ASPG: variants seen among roughly 807,000 people sequenced by gnomAD.
The protein encoded by ASPG is asparaginase.
A neutral mutation model predicts 63.2 loss-of-function variants in ASPG; 53 were observed. The observed-to-expected ratio is 0.84, with a 90% CI of 0.67 to 1.05. ASPG has a LOEUF of 1.05. ASPG is among the 50% of genes least tolerant of loss of function. ASPG has a pLI of 0.00. For synonymous variants in ASPG, 370 were observed against 355.0 expected, an observed-to-expected ratio of 1.04 and a Z score of -0.48; for missense variants, 741 against 794.4, an observed-to-expected ratio of 0.93 and a Z score of 0.81.
chr14:104,096,317 T>G (rs1596076191), intron 4 of ASPG, among the ~76,000 whole-genome samples: 1 of 151,984 alleles, frequency 6.6e-6, no homozygotes, highest in African/African-American at 2.4e-5. Context: ...GAGGCTAAGG[T>G]CTTGTATGGG....
At position 104,106,904 on chromosome 14, in the gene ASPG, C is replaced by A. The variant is rs1330670303; in HGVS notation, c.1269+10C>A. 2 of 1,563,808 alleles carry A rather than the reference C, an allele frequency of 1.3e-6. No individual in the cohort carries two copies. Among genetic ancestry groups the A allele is most frequent in the Non-Finnish European group, 1.7e-6 (2 of 1,158,298 alleles). On this transcript the variant is annotated intron_variant, in intron 11 of 15. Transcript: ENST00000551177. ...GGCGCTTGTGGAGCTGGTGAGCCTC[C>A]CCCACCCTGGGGGCCCAGCCCCAGC...
Position 104,093,543 on chromosome 14 carries a change from C to G in ASPG, c.244C>G (p.Leu82Val), listed in dbSNP as rs776839328. The G allele has an allele frequency of 6.2e-7, 1 of 1,612,632 alleles. No individual in the cohort carries two copies. The highest frequency in any genetic ancestry group is 1.3e-5 in the African/African-American group (1 of 74,880). ...ILYTVLECQP[L>V]FDSSDMTIAE... Reference sequence around the variant, plus strand: ...CTACACCGTGCTGGAGTGCCAGCCCCTCTTCGACTCCAGTGACATGACCAT... The same window carrying G: ...CTACACCGTGCTGGAGTGCCAGCCCGTCTTCGACTCCAGTGACATGACCAT... Residue 82 changes from leucine (L) to valine (V), a missense_variant, in exon 3 of 16, where the codon CTC becomes GTC. Transcript: ENST00000551177.
intron 12 of ASPG, chr14:104,108,941 G>A: frequency 1.0e-6 from 1 of 985,352 alleles, no homozygotes; most frequent in Non-Finnish European, 1.2e-6. Flanking sequence ...GCCCTCCCCT[G>A]GGTGCTGGGT....
chr14:104,107,358 G>A lies in ASPG; in HGVS notation c.1433+13G>A, dbSNP rs2037181833. The A allele has an allele frequency of 3.3e-6, 5 of 1,521,546 alleles. No individual in the cohort carries two copies. The highest frequency in any genetic ancestry group is 4.7e-5 in the East Asian group (2 of 42,616). The allele number at this position is 1,521,546 out of a possible 1,614,324, so 94.3% of individuals were successfully genotyped here. A position where few individuals can be genotyped will look rare whatever the true frequency, so the allele number is the denominator to read the frequency against. On this transcript the variant is annotated intron_variant, in intron 12 of 15. Coordinates refer to ENST00000551177, the MANE Select transcript of ASPG (RefSeq NM_001080464.3). ...CCGTGCGGGGCAGGTAATGGAGCTA[G>A]GGCTGCACAGAGCTGCCTTGGACAG...
intron 9 of ASPG, chr14:104,104,954 T>C: frequency 3.4e-6 from 2 of 584,206 alleles, no homozygotes; most frequent in Non-Finnish European, 6.0e-6. Context: ...AGGCTCCGCC[T>C]GTCCTTGTGC....
rs2037446839 is a variant in ASPG, at chr14:104,115,442, T to C, written c.*2898T>C. 1 of 152,204 alleles carries C rather than the reference T, an allele frequency of 6.6e-6. No homozygotes were observed. The highest frequency in any genetic ancestry group is 1.5e-5 in the Non-Finnish European group (1 of 68,064). 9.4% of individuals were successfully genotyped at this position (152,204 alleles called of 1,614,324 possible). A position where few individuals can be genotyped will look rare whatever the true frequency, so the allele number is the denominator to read the frequency against. The stretch of plus-strand genomic sequence containing the variant: ...ACCAGAACTTAGAATTAAGGAGTGG[T>C]GGCCAGGCTTGGTGGCTCACACCTG... On this transcript the variant is annotated 3_prime_UTR_variant, in exon 16 of 16. Transcript: ENST00000551177.
intron 5 of ASPG, among the ~76,000 whole-genome samples, chr14:104,098,607 C>T (rs1034772441): frequency 2.0e-5 from 3 of 152,132 alleles, no homozygotes; most frequent in African/African-American, 7.2e-5. Context: ...ACTTGCACGC[C>T]CCAGGCCCTG....
Position 104,113,971 on chromosome 14 carries a change from A to G in ASPG, c.*1427A>G, listed in dbSNP as rs2037433431. ...GGAGAGGCGGTGGGGCATCTGGACA[A>G]ATGCCTGGTGCAGGTGAGAAGGGGT... On this transcript the variant is annotated 3_prime_UTR_variant, in exon 16 of 16. Transcript: ENST00000551177. 1 of 152,292 alleles carries G rather than the reference A, an allele frequency of 6.6e-6. No homozygotes were observed. Among genetic ancestry groups the G allele is most frequent in the Admixed American group, 6.5e-5 (1 of 15,290 alleles). The allele number at this position is 152,292 out of a possible 1,614,324, so 9.4% of individuals were successfully genotyped here.
At position 104,093,501 on chromosome 14, in the gene ASPG, C is replaced by A; in HGVS notation, c.202C>A (p.Arg68Ser). 6.2e-7 allele frequency: 1 copy of A among 1,612,620 alleles called. No homozygotes were observed. The highest frequency in any genetic ancestry group is 1.1e-5 in the South Asian group (1 of 91,070). The change falls in exon 3 of 16, where the codon CGC (arginine) becomes AGC (serine). Residue 68 changes from arginine (R) to serine (S), a missense_variant. By Grantham distance (110) the Arg-to-Ser change is moderately radical. Coordinates refer to ENST00000551177, the MANE Select transcript of ASPG (RefSeq NM_001080464.3). Reference protein sequence around the residue: ...EDTLVLPPASRNQRILYTVLE... With the variant: ...EDTLVLPPASSNQRILYTVLE... ...GTTTCTGTCCCGCAGCCCGGCCAGC[C>A]GCAACCAGAGGATTCTCTACACCGT...
chr14:104,103,473 A>C, intron 6 of ASPG, 90 bp from the exon 7 acceptor site: 1 of 1,107,000 alleles, frequency 9.0e-7, no homozygotes, highest in Non-Finnish European at 1.3e-6. Flanking sequence ...ACAAGGGAGG[A>C]GGCGGCCTGT....
chr14:104,105,038 C>T (rs939196823), intron 9 of ASPG: 1 of 581,996 alleles, frequency 1.7e-6, no homozygotes, highest in African/African-American at 1.9e-5. Context: ...TCCACTCTTC[C>T]TCGAGGGTGG....
At position 104,112,015 on chromosome 14, in the gene ASPG, C is replaced by G; in HGVS notation, c.1701+15C>G. On this transcript the variant is annotated intron_variant, in intron 15 of 15. Transcript: ENST00000551177. ...CCCCATGCCCAGTAAGTCCCCACCC[C>G]AGGCGGGGCTGACACCCCCCAGTGA... The G allele has an allele frequency of 6.5e-7, 1 of 1,548,686 alleles. No homozygotes were observed. The highest frequency in any genetic ancestry group is 8.7e-7 in the Non-Finnish European group (1 of 1,145,062).
chr14:104,087,754 G>A (rs1163312232), intron 1 of ASPG, among the ~76,000 whole-genome samples: 1 of 152,210 alleles, frequency 6.6e-6, no homozygotes, highest in African/African-American at 2.4e-5. Context: ...GCAGGGGCAG[G>A]TGGACTCTGT....
chr14:104,111,930 C>G lies in ASPG; in HGVS notation c.1631C>G (p.Ala544Gly), dbSNP rs2037395360. Reference protein sequence around the residue: ...GHSALHVAEAAGNLAVVAFLQ... With the variant: ...GHSALHVAEAGGNLAVVAFLQ... Reference sequence around the variant, plus strand: ...ACTGCTTCCCCATAGGCAGAGGCAGCCGGGAACCTGGCAGTGGTGGCCTTT... The same window carrying G: ...ACTGCTTCCCCATAGGCAGAGGCAGGCGGGAACCTGGCAGTGGTGGCCTTT... The change falls in exon 15 of 16, where the codon GCC becomes GGC. Residue 544 changes from alanine to glycine, a missense_variant. By Grantham distance (60) the Ala-to-Gly change is moderately conservative (BLOSUM62 0). Transcript: ENST00000551177. 27 of 1,554,664 alleles carry G rather than the reference C, an allele frequency of 1.7e-5. No individual in the cohort carries two copies. In the East Asian group the frequency reaches 6.6e-4, roughly 38 times the overall value.
At chr14:104,099,298 C>T (rs966452994) in intron 6 of ASPG, among the ~76,000 whole-genome samples, 2 of 152,206 alleles carry the variant, frequency 1.3e-5, no homozygotes, top group African/African-American at 4.8e-5. Context: ...TCCCCAGTGA[C>T]CACCTGGCTC....
chr14:104,101,474 G>C (rs1387846983), intron 6 of ASPG, among the ~76,000 whole-genome samples: 1 of 152,126 alleles, frequency 6.6e-6, no homozygotes. Context: ...GCCAAGGGGT[G>C]GGGGGATGCG....
In ASPG at chr14:104,093,449, C is replaced by T. The variant is rs745395039; in HGVS notation, c.192-42C>T. On this transcript the variant is annotated intron_variant, in intron 2 of 15. Transcript: ENST00000551177. ...ATTTAGAGCAGGAGGAGGTGCAGAGCGGGAGCCTGCTGTTCCGCCTCCTGC... is the reference window on the plus strand; with the variant it reads ...ATTTAGAGCAGGAGGAGGTGCAGAGTGGGAGCCTGCTGTTCCGCCTCCTGC... 6.6e-6 allele frequency: 10 copies of T among 1,517,692 alleles called. No homozygotes were observed. In the East Asian group the frequency reaches 6.8e-5, roughly 10 times the overall value. The allele number at this position is 1,517,692 out of a possible 1,614,324, so 94.0% of individuals were successfully genotyped here.
At chr14:104,112,195 G>A (rs980053837) in intron 15 of ASPG, among the ~76,000 whole-genome samples, 195 bp downstream of exon 15, 2 of 152,114 alleles carry the variant, frequency 1.3e-5, no homozygotes, top group African/African-American at 4.8e-5. Flanking sequence ...AGGAGAAGGA[G>A]AAAGGAGCAG....
chr14:104,111,747 AC>A, intron 14 of ASPG, 146 bp downstream of exon 14: 1 of 895,246 alleles, frequency 1.1e-6, no homozygotes, highest in Middle Eastern at 2.8e-4. Flanking sequence ...ACCCGCACAG[AC>A]TGGGTCCCCT....
Sources: gnomAD v4.1 joint callset for allele counts (sites outside exome capture counted in the v4.1 genomes callset) on GRCh38, gnomAD v4.1.1 for gene constraint, MANE v1.5 for transcripts, NCBI Gene and HGNC (gene_info 2026-07-23, HGNC 2026-07-21) for gene names.